Variants in RARRES1 observed in about 807,000 individuals in gnomAD.
RARRES1 encodes retinoic acid receptor responder 1, also known as retinoic acid receptor responder protein 1.
A neutral mutation model predicts 30.6 loss-of-function variants in RARRES1; 34 were observed. The observed-to-expected ratio is 1.11, with a 90% CI of 0.84 to 1.48. The LOEUF (loss-of-function observed/expected upper bound fraction) is 1.48. RARRES1 is among the 40% of genes most tolerant of loss of function. The probability of loss-of-function intolerance (pLI) is 0.00; values close to 1 mark genes in which losing one functional copy is unlikely to be tolerated. For missense variants in RARRES1, 373 were observed against 386.5 expected (o/e 0.97, Z 0.29); for synonymous variants, 153 against 155.5 (o/e 0.98, Z 0.12).
rs889472673 is a variant in RARRES1, at chr3:158,732,120, G to T, written c.276+20C>A. The T allele has an allele frequency of 1.0e-4, 133 of 1,319,918 alleles. No homozygotes were observed. Among genetic ancestry groups the T allele is most frequent in the Non-Finnish European group, 1.2e-4 (122 of 1,040,108 alleles). The allele number at this position is 1,319,918 out of a possible 1,614,324, so 81.8% of individuals were successfully genotyped here. On this transcript the variant is annotated intron_variant, in intron 1 of 5. Transcript: ENST00000237696. ...CGCGGACAGGCAGGCGCGTGCCCCG[G>T]CGCGTCGCTCCGCACTCACCCACGC...
intron 4 of RARRES1, 176 bp downstream of exon 4, chr3:158,704,615 A>T: frequency 9.7e-7 from 1 of 1,035,086 alleles, no homozygotes; most frequent in South Asian, 2.2e-5. Flanking sequence ...TTTGTTCACG[A>T]CTGTATCCCC....
At chr3:158,702,561 G>A (rs1353646234) in intron 4 of RARRES1, among the ~76,000 whole-genome samples, 2 of 152,148 alleles carry the variant, frequency 1.3e-5, no homozygotes, top group African/African-American at 4.8e-5. Flanking sequence ...AGTTTTTTCT[G>A]TTATCTCAAT....
intron 1 of RARRES1, among the ~76,000 whole-genome samples, chr3:158,721,926 T>C (rs1403352810): frequency 6.6e-6 from 1 of 151,982 alleles, no homozygotes; most frequent in African/African-American, 2.4e-5. Context: ...ACCCCATCTC[T>C]ACTAAAAATA....
chr3:158,728,619 G>A (rs1727773521), intron 1 of RARRES1, among the ~76,000 whole-genome samples: 1 of 151,132 alleles, frequency 6.6e-6, no homozygotes, highest in Admixed American at 6.6e-5. Flanking sequence ...TGCCTCCCGG[G>A]TTCAAGTGAT....
Position 158,732,203 on chromosome 3 carries a change from G to A in RARRES1, c.213C>T (p.Asn71=), listed in dbSNP as rs915325383. The change falls in exon 1 of 6, where the codon AAC becomes AAT. Residue 71 remains asparagine, a synonymous_variant. Transcript: ENST00000237696. The part of the protein sequence containing the change: ...QAARAALHFF[N]FRSGSPSALR... The stretch of plus-strand genomic sequence containing the variant: ...GCGCGCTGGGCGAGCCGGACCGGAA[G>A]TTGAAGAAGTGAAGCGCCGCGCGCG... 6 of 1,421,694 alleles carry A rather than the reference G, an allele frequency of 4.2e-6. No individual in the cohort carries two copies. The African/African-American group carries it at 9.0e-5, about 21-fold the overall frequency. 88.1% of individuals were successfully genotyped at this position (1,421,694 alleles called of 1,614,324 possible). A position where few individuals can be genotyped will look rare whatever the true frequency, so the allele number is the denominator to read the frequency against.
rs751719970 is a variant in RARRES1 at position 158,710,799 on chromosome 3, AT to A, written c.473del (p.Asp158ValfsTer8). The A allele has an allele frequency of 2.7e-5, 43 of 1,613,224 alleles. No homozygotes were observed. The African/African-American group carries it at 5.5e-4, about 21-fold the overall frequency. On this transcript the variant is annotated frameshift_variant, in exon 3 of 6. Transcript: ENST00000237696. LOFTEE classifies it high-confidence loss of function. Reference sequence around the variant, plus strand: ...GCTTCATTTGCTTGTAAAGCAGGTAATCCTCTTGTTGTCTTTTCTTTTTCTC... The same window carrying A: ...GCTTCATTTGCTTGTAAAGCAGGTAACCTCTTGTTGTCTTTTCTTTTTCTC... ...LIEKKKRQQE[D>X]YLLYKQMKQL...
At position 158,723,565 on chromosome 3, in the gene RARRES1, A is replaced by G. The variant is rs745897862; in HGVS notation, c.276+8575T>C. Among the ~76,000 whole-genome samples, 2 of 152,260 alleles carry G rather than the reference A, an allele frequency of 1.3e-5. No homozygotes were observed. Among genetic ancestry groups the G allele is most frequent in the African/African-American group, 2.4e-5 (1 of 41,478 alleles). On this transcript the variant is annotated intron_variant, in intron 1 of 5. Coordinates refer to ENST00000237696, the MANE Select transcript of RARRES1 (RefSeq NM_206963.2). The surrounding 1 kb of genome is among the most constrained non-coding windows in gnomAD (Gnocchi z 4.4). ...GATCAGGCCCAGGCAGTGGGGCCCA[A>G]GGAGCTCTTTGCGTGCGAATGCTTT...
chr3:158,704,380 T>G, intron 4 of RARRES1, among the ~76,000 whole-genome samples: 1 of 151,986 alleles, frequency 6.6e-6, no homozygotes, highest in East Asian at 1.9e-4. Flanking sequence ...TATAGGCATG[T>G]GCCACTACAT....
chr3:158,706,839 C>G (rs1357550792), intron 3 of RARRES1, among the ~76,000 whole-genome samples: 1 of 152,088 alleles, frequency 6.6e-6, no homozygotes, highest in African/African-American at 2.4e-5. Flanking sequence ...GTATTAAATA[C>G]AGTGTCAAGA....
Position 158,697,392 on chromosome 3 carries a change from C to G in RARRES1, c.*286G>C. The G allele has an allele frequency of 3.6e-6, 1 of 277,648 alleles. No individual in the cohort carries two copies. The highest frequency in any genetic ancestry group is 7.0e-5 in the East Asian group (1 of 14,360). 17.2% of individuals were successfully genotyped at this position (277,648 alleles called of 1,614,324 possible). A position where few individuals can be genotyped will look rare whatever the true frequency, so the allele number is the denominator to read the frequency against. ...AAAAAAAATGCTGATTCTGGTGCAA[C>G]ATACACTGATTATCCAGGTTTTACA... On this transcript the variant is annotated 3_prime_UTR_variant, in exon 6 of 6. Coordinates refer to ENST00000237696, the MANE Select transcript of RARRES1 (RefSeq NM_206963.2).
chr3:158,704,928 C>G lies in RARRES1; in HGVS notation c.536-1G>C, dbSNP rs757625275. On this transcript the variant is annotated splice_acceptor_variant, in intron 3 of 5. Transcript: ENST00000237696. LOFTEE classifies it high-confidence loss of function. ...GAGGGATCAATATGTCCATGATTATCTGAGAGAGACAAAAAAAGCACATTT... is the reference window on the plus strand; with the variant it reads ...GAGGGATCAATATGTCCATGATTATGTGAGAGAGACAAAAAAAGCACATTT... The G allele has an allele frequency of 1.3e-6, 2 of 1,596,876 alleles. No individual in the cohort carries two copies. Among genetic ancestry groups the G allele is most frequent in the South Asian group, 2.3e-5 (2 of 87,344 alleles).
intron 1 of RARRES1, among the ~76,000 whole-genome samples, chr3:158,729,047 A>G (rs987771348): frequency 6.6e-6 from 1 of 152,092 alleles, no homozygotes; most frequent in Non-Finnish European, 1.5e-5. Flanking sequence ...TAAGCATTCA[A>G]TACATAGCTA....
At chr3:158,704,619 T>C in intron 4 of RARRES1, 172 bp downstream of exon 4, 1 of 1,064,168 alleles carries the variant, frequency 9.4e-7, no homozygotes. Flanking sequence ...TTCACGACTG[T>C]ATCCCCAGCC....
rs1726913430 is a variant in RARRES1, at chr3:158,706,008, G to T, written c.536-1081C>A. On this transcript the variant is annotated intron_variant, in intron 3 of 5. Coordinates refer to ENST00000237696, the MANE Select transcript of RARRES1 (RefSeq NM_206963.2). ...CCATCATTTTATGCAGTTTTGTAGG[G>T]ATACTATATTAAGGCCTAATAATAG... Among the ~76,000 whole-genome samples, 3 of 152,122 alleles carry T rather than the reference G, an allele frequency of 2.0e-5. No individual in the cohort carries two copies. In the South Asian group the frequency reaches 6.2e-4, roughly 31 times the overall value.
intron 4 of RARRES1, among the ~76,000 whole-genome samples, chr3:158,699,439 C>CA (rs1049700557): frequency 1.1e-4 from 16 of 150,426 alleles, no homozygotes; most frequent in African/African-American, 3.9e-4. Flanking sequence ...AAGCAACCCC[C>CA]CCCCCACCAA....
At chr3:158,732,045 C>A in intron 1 of RARRES1, 95 bp downstream of exon 1, 1 of 1,172,706 alleles carries the variant, frequency 8.5e-7, no homozygotes, top group Admixed American at 4.3e-5. Context: ...GGCGGACCAT[C>A]CGTTGGGCCG....
intron 1 of RARRES1, among the ~76,000 whole-genome samples, chr3:158,714,202 C>T (rs1559871862): frequency 6.6e-6 from 1 of 152,196 alleles, no homozygotes; most frequent in South Asian, 2.1e-4. Context: ...GCCTGCTCCA[C>T]GCCCTGTCCT....
chr3:158,701,457 A>AT (rs1204206436), intron 4 of RARRES1, among the ~76,000 whole-genome samples: 1 of 152,070 alleles, frequency 6.6e-6, no homozygotes, highest in African/African-American at 2.4e-5. Context: ...AAAAGGTGAA[A>AT]TTAGCCCTGA....
At chr3:158,708,840 G>A (rs1006779162) in intron 3 of RARRES1, among the ~76,000 whole-genome samples, 3 of 152,046 alleles carry the variant, frequency 2.0e-5, no homozygotes, top group African/African-American at 7.2e-5. Context: ...CTATTTTTCA[G>A]TAGAGATGGG....
Sources: allele counts gnomAD v4.1 joint callset (sites outside exome capture counted in the v4.1 genomes callset), GRCh38; gene constraint gnomAD v4.1.1; non-coding constraint Gnocchi (gnomAD v3.1); transcripts MANE v1.5; gene names NCBI Gene and HGNC (gene_info 2026-07-23, HGNC 2026-07-21).